The following SDK1 variants were observed in gnomAD, a reference collection of about 807,000 sequenced individuals.
The protein encoded by SDK1 is sidekick cell adhesion molecule 1, also known as protein sidekick-1.
SDK1 carries 157 observed loss-of-function variants against 245.5 expected under a neutral mutation model. That is an observed-to-expected ratio of 0.64 (90% CI 0.56 to 0.73). SDK1 has a LOEUF of 0.73. Among genes scored for constraint, SDK1 ranks in the 30% least tolerant of loss-of-function variants. The probability of loss-of-function intolerance (pLI) is 0.00; values close to 1 mark genes in which losing one functional copy is unlikely to be tolerated. For missense variants in SDK1, 3,583 were observed against 3,002.3 expected, an observed-to-expected ratio of 1.19 and a Z score of -4.52; for synonymous variants, 1,647 against 1,278.5, an observed-to-expected ratio of 1.29 and a Z score of -6.15.
intron 5 of SDK1, among the ~76,000 whole-genome samples, chr7:3,894,213 T>C (rs1177981611): frequency 6.6e-6 from 1 of 152,296 alleles, no homozygotes; most frequent in African/African-American, 2.4e-5. Flanking sequence ...GTATTAAAAG[T>C]CAAAGCTTTC....
chr7:3,845,762 C>T (rs1438778165), intron 5 of SDK1, among the ~76,000 whole-genome samples: 1 of 151,280 alleles, frequency 6.6e-6, no homozygotes, highest in African/African-American at 2.4e-5. Flanking sequence ...GTTTATTTAA[C>T]ACTGAACAGG....
At chr7:3,433,438 G>T (rs896671663) in intron 1 of SDK1, among the ~76,000 whole-genome samples, 1 of 152,132 alleles carries the variant, frequency 6.6e-6, no homozygotes, top group African/African-American at 2.4e-5. Flanking sequence ...CTCCAGAAGA[G>T]GTAAGGAAGG....
intron 28 of SDK1, among the ~76,000 whole-genome samples, 160 bp from the exon 29 acceptor site, chr7:4,145,562 C>G (rs950255514): frequency 2.6e-5 from 4 of 152,140 alleles, no homozygotes; most frequent in African/African-American, 7.2e-5. Flanking sequence ...CACCATTCAT[C>G]ACAGCCATGA....
At chr7:4,019,045 A>G (rs1016239841) in intron 17 of SDK1, among the ~76,000 whole-genome samples, 1 of 152,168 alleles carries the variant, frequency 6.6e-6, no homozygotes, top group African/African-American at 2.4e-5. Flanking sequence ...AAACGAATGC[A>G]GTTTCGGCCC....
chr7:3,695,574 A>T (rs187395402), intron 4 of SDK1, among the ~76,000 whole-genome samples: 1 of 152,338 alleles, frequency 6.6e-6, no homozygotes, highest in Admixed American at 6.5e-5. Context: ...ATGGGTGCAT[A>T]ATAGTTTATT....
chr7:4,093,720 T>C (rs1018579887), intron 22 of SDK1, among the ~76,000 whole-genome samples: 3 of 152,050 alleles, frequency 2.0e-5, no homozygotes, highest in Non-Finnish European at 2.9e-5. Context: ...CTCGGTGAAG[T>C]CGGGGGCGTG....
chr7:3,587,048 G>A (rs1445452788), intron 1 of SDK1, among the ~76,000 whole-genome samples: 1 of 152,200 alleles, frequency 6.6e-6, no homozygotes, highest in Non-Finnish European at 1.5e-5. Flanking sequence ...CAGACATCTG[G>A]GCTTTGGGCT....
chr7:3,866,844 T>C (rs1284709090), intron 5 of SDK1, among the ~76,000 whole-genome samples: 4 of 152,150 alleles, frequency 2.6e-5, no homozygotes, highest in Admixed American at 2.0e-4. Context: ...GACTTTGATG[T>C]CCAGGCTGAA....
chr7:3,499,381 G>C (rs1583956103), intron 1 of SDK1, among the ~76,000 whole-genome samples: 1 of 152,084 alleles, frequency 6.6e-6, no homozygotes, highest in Non-Finnish European at 1.5e-5. Context: ...TTAATTGTCA[G>C]ATGTATGCCA....
intron 1 of SDK1, among the ~76,000 whole-genome samples, chr7:3,470,741 C>G (rs941790885): frequency 2.0e-5 from 3 of 152,126 alleles, no homozygotes; most frequent in African/African-American, 7.2e-5. Flanking sequence ...TTCCAAATTC[C>G]TTTTCCGAAA....
intron 5 of SDK1, among the ~76,000 whole-genome samples, chr7:3,841,198 A>G (rs1293091040): frequency 1.3e-5 from 2 of 152,090 alleles, no homozygotes; most frequent in Non-Finnish European, 2.9e-5. Flanking sequence ...GCACCTACCC[A>G]TGTATCAGGT....
chr7:3,496,636 G>C (rs1478036546), intron 1 of SDK1, among the ~76,000 whole-genome samples: 1 of 152,058 alleles, frequency 6.6e-6, no homozygotes, highest in Non-Finnish European at 1.5e-5. Context: ...TAATATATTG[G>C]TTTACACTTA....
intron 26 of SDK1, among the ~76,000 whole-genome samples, chr7:4,128,164 G>A (rs535270300): frequency 6.6e-6 from 1 of 152,336 alleles, no homozygotes; most frequent in East Asian, 1.9e-4. Context: ...CCAAGCATCA[G>A]AATGAGCTGT....
At chr7:3,560,643 G>A (rs983236174) in intron 1 of SDK1, among the ~76,000 whole-genome samples, 1 of 152,156 alleles carries the variant, frequency 6.6e-6, no homozygotes, top group Non-Finnish European at 1.5e-5. Flanking sequence ...GCACGATCCT[G>A]TAAAAACATC....
At chr7:3,385,975 A>G (rs1562455136) in intron 1 of SDK1, among the ~76,000 whole-genome samples, 1 of 150,198 alleles carries the variant, frequency 6.7e-6, no homozygotes. Context: ...CTCTGCATGG[A>G]TTTTTTTTTT....
At chr7:3,523,431 A>G (rs1047609578) in intron 1 of SDK1, among the ~76,000 whole-genome samples, 3 of 152,194 alleles carry the variant, frequency 2.0e-5, no homozygotes, top group African/African-American at 7.2e-5. Context: ...TGCAAACATT[A>G]TTAACACAGG....
At chr7:3,750,574 C>T (rs1050426851) in intron 4 of SDK1, among the ~76,000 whole-genome samples, 1 of 152,142 alleles carries the variant, frequency 6.6e-6, no homozygotes, top group African/African-American at 2.4e-5. Flanking sequence ...CAGCATAGGC[C>T]AGTGGGAATT....
intron 22 of SDK1, among the ~76,000 whole-genome samples, chr7:4,107,863 G>T (rs973986724): frequency 3.3e-5 from 5 of 152,206 alleles, no homozygotes; most frequent in African/African-American, 7.2e-5. Context: ...GGCCTGTAAG[G>T]TGTCGTGAGC....
chr7:3,907,579 G>A (rs1333439518), intron 5 of SDK1, among the ~76,000 whole-genome samples: 4 of 152,138 alleles, frequency 2.6e-5, no homozygotes, highest in Non-Finnish European at 5.9e-5. Context: ...GTGAACATTC[G>A]TGTACAAGTA....
Sources: gnomAD v4.1 joint callset for allele counts (sites outside exome capture counted in the v4.1 genomes callset) on GRCh38, gnomAD v4.1.1 for gene constraint, MANE v1.5 for transcripts, NCBI Gene and HGNC (gene_info 2026-07-23, HGNC 2026-07-21) for gene names.